Variants in EP400 observed in about 807,000 individuals in gnomAD.
EP400 encodes the protein E1A-binding protein p400.
Under a neutral mutation model 354.1 loss-of-function variants are expected in EP400, and 105 were observed. That is an observed-to-expected ratio of 0.30 (90% CI 0.25 to 0.35). The LOEUF is 0.35. Ranked by LOEUF, EP400 falls within the 10% of genes least tolerant of loss-of-function variation. EP400 has a pLI of 1.00. For missense variants in EP400, 3,280 were observed against 4,121.0 expected, an observed-to-expected ratio of 0.80 and a Z score of 5.59; for synonymous variants, 1,646 against 1,716.9, an observed-to-expected ratio of 0.96 and a Z score of 1.02.
At chr12:131,960,124 C>T (rs1229554696) in intron 1 of EP400, among the ~76,000 whole-genome samples, 2 of 152,198 alleles carry the variant, frequency 1.3e-5, no homozygotes, top group South Asian at 2.1e-4. Context: ...GGGCGGAAGC[C>T]GGAAAGTCCA....
In EP400 at chr12:132,075,213, G is replaced by A. The variant is rs2136625836; in HGVS notation, c.9022-1303G>A. The stretch of plus-strand genomic sequence containing the variant: ...GGATGGCAGCTGGCAGTAGCACGGG[G>A]CTCTTTTGCAAGCTCCCCACCGAGA... On this transcript the variant is annotated intron_variant, in intron 51 of 52. Coordinates refer to ENST00000389561, the MANE Select transcript of EP400 (RefSeq NM_015409.5). This position sits in a 1 kb window ranked among gnomAD's most constrained non-coding sequence, Gnocchi z 4.5. Among the ~76,000 whole-genome samples, 1 of 136,788 alleles carries A rather than the reference G, an allele frequency of 7.3e-6. No individual in the cohort carries two copies. Among genetic ancestry groups the A allele is most frequent in the East Asian group, 2.2e-4 (1 of 4,530 alleles). The allele number at this position is 136,788 out of a possible 152,430, so 89.7% of individuals were successfully genotyped here.
At chr12:132,003,149 C>T (rs1302887754) in intron 12 of EP400, among the ~76,000 whole-genome samples, 7 of 150,092 alleles carry the variant, frequency 4.7e-5, no homozygotes, top group African/African-American at 1.7e-4. Context: ...AGTTCAAGTT[C>T]AGCCTGGGCA....
chr12:132,064,828 C>G lies in EP400; in HGVS notation c.8495C>G (p.Pro2832Arg), dbSNP rs1242328855. ...QSPQLTTVTA[P>R]RPGALLTGTT... Reference sequence around the variant, plus strand: ...CCCCAGCTCACGACGGTCACGGCCCCAAGGCCTGGTGCCCTGCTGACGGGC... The same window carrying G: ...CCCCAGCTCACGACGGTCACGGCCCGAAGGCCTGGTGCCCTGCTGACGGGC... Residue 2832 changes from proline (P) to arginine (R), a missense_variant, in exon 48 of 53, where the codon CCA (proline) becomes CGA (arginine). Coordinates refer to ENST00000389561, the MANE Select transcript of EP400 (RefSeq NM_015409.5). 1 of 1,612,446 alleles carries G rather than the reference C, an allele frequency of 6.2e-7. No homozygotes were observed. The highest frequency in any genetic ancestry group is 8.5e-7 in the Non-Finnish European group (1 of 1,179,704).
chr12:131,975,016 A>T (rs1892423803), intron 2 of EP400, among the ~76,000 whole-genome samples: 1 of 150,284 alleles, frequency 6.7e-6, no homozygotes, highest in Admixed American at 6.6e-5. Flanking sequence ...AAAAGACCAG[A>T]GTATCTTTAC....
Position 131,982,229 on chromosome 12 carries a change from G to C in EP400, c.1680G>C (p.Arg560Ser), listed in dbSNP as rs762733612. The C allele has an allele frequency of 1.9e-6, 3 of 1,614,020 alleles. No homozygotes were observed. The highest frequency in any genetic ancestry group is 2.5e-6 in the Non-Finnish European group (3 of 1,179,972). Residue 560 changes from arginine (R) to serine (S), a missense_variant, in exon 5 of 53, where the codon AGG (arginine) becomes AGC (serine). Coordinates refer to ENST00000389561, the MANE Select transcript of EP400 (RefSeq NM_015409.5). ...CCCCACTGCCGCAGCTGCCCGGGAGGCTGCCCCCAGCCGGTGTTCCCACTG... is the reference window on the plus strand; with the variant it reads ...CCCCACTGCCGCAGCTGCCCGGGAGCCTGCCCCCAGCCGGTGTTCCCACTG... Reference protein sequence around the residue: ...LHTPLPQLPGRLPPAGVPTAA... With the variant: ...LHTPLPQLPGSLPPAGVPTAA...
Position 132,017,338 on chromosome 12 carries a change from A to G in EP400, c.3924-197A>G, listed in dbSNP as rs959354157. Reference sequence around the variant, plus strand: ...CTCTGGTGGGGCGGATGTCATTCTCAATGGGGATGGCGAACAAGTGCAGAG... The same window carrying G: ...CTCTGGTGGGGCGGATGTCATTCTCGATGGGGATGGCGAACAAGTGCAGAG... On this transcript the variant is annotated intron_variant, in intron 19 of 52. Coordinates refer to ENST00000389561, the MANE Select transcript of EP400 (RefSeq NM_015409.5). The surrounding 1 kb of genome is among the most constrained non-coding windows in gnomAD (Gnocchi z 5.0). 2.6e-5 allele frequency among the ~76,000 whole-genome samples: 4 copies of G among 152,292 alleles called. No homozygotes were observed. The highest frequency in any genetic ancestry group is 6.5e-5 in the Admixed American group (1 of 15,302).
At chr12:132,026,683 C>A (rs563579013) in intron 25 of EP400, among the ~76,000 whole-genome samples, 1 of 152,180 alleles carries the variant, frequency 6.6e-6, no homozygotes, top group Non-Finnish European at 1.5e-5. Context: ...AAGCCCTCCT[C>A]AGCTTCAGAG....
chr12:132,046,633 G>A (rs570647109), intron 39 of EP400, among the ~76,000 whole-genome samples: 5 of 152,290 alleles, frequency 3.3e-5, no homozygotes, highest in African/African-American at 1.2e-4. Context: ...CTTGACCCCC[G>A]AAGAGTCCAG....
At chr12:131,989,177 G>A (rs563772845) in intron 7 of EP400, among the ~76,000 whole-genome samples, 1 of 152,328 alleles carries the variant, frequency 6.6e-6, no homozygotes, top group South Asian at 2.1e-4. Flanking sequence ...TGGCTGAAGA[G>A]CAGTGCAGCA....
rs770392803 is a variant in EP400 at position 132,011,568 on chromosome 12, T to C, written c.3375T>C (p.Arg1125=). 2.5e-5 allele frequency: 40 copies of C among 1,614,024 alleles called. No individual in the cohort carries two copies. The highest frequency in any genetic ancestry group is 1.3e-4 in the Admixed American group (8 of 59,998). The part of the protein sequence containing the change: ...NILKWELELK[R]WCPGLKILSY... ...TCAAGTGGGAGCTTGAATTGAAACGTTGGTGTCCCGGACTCAAAATCCTCT... is the reference window on the plus strand; with the variant it reads ...TCAAGTGGGAGCTTGAATTGAAACGCTGGTGTCCCGGACTCAAAATCCTCT... Residue 1125 remains arginine, a synonymous_variant, in exon 16 of 53, where the codon CGT becomes CGC. Coordinates refer to ENST00000389561, the MANE Select transcript of EP400 (RefSeq NM_015409.5).
chr12:132,044,424 A>G (rs1250578459), intron 35 of EP400, 113 bp downstream of exon 35: 18 of 1,413,508 alleles, frequency 1.3e-5, no homozygotes, highest in Non-Finnish European at 1.7e-5. Context: ...ATGCCTAGGA[A>G]TTTTTACTTC....
Position 132,070,425 on chromosome 12 carries a change from A to G in EP400, c.9021+784A>G, listed in dbSNP as rs909091422. Among the ~76,000 whole-genome samples, 17 of 152,242 alleles carry G rather than the reference A, an allele frequency of 1.1e-4. No individual in the cohort carries two copies. The highest frequency in any genetic ancestry group is 5.2e-4 in the Admixed American group (8 of 15,286). On this transcript the variant is annotated intron_variant, in intron 51 of 52. Transcript: ENST00000389561. This position sits in a 1 kb window ranked among gnomAD's most constrained non-coding sequence, Gnocchi z 4.1. ...CACCTGAGATCCTGTGGGGAAGTTCAGGGCTTCTTGTCTCAGAGGCCATGC... is the reference window on the plus strand; with the variant it reads ...CACCTGAGATCCTGTGGGGAAGTTCGGGGCTTCTTGTCTCAGAGGCCATGC...
Position 132,038,022 on chromosome 12 carries a change from G to C in EP400, c.6133G>C (p.Glu2045Gln). The C allele has an allele frequency of 6.2e-7, 1 of 1,614,206 alleles. No homozygotes were observed. Among genetic ancestry groups the C allele is most frequent in the Non-Finnish European group, 8.5e-7 (1 of 1,180,026 alleles). The change falls in exon 32 of 53, where the codon GAG becomes CAG. Residue 2045 changes from glutamate (E) to glutamine (Q), a missense_variant. Physicochemically the swap from Glu to Gln is conservative, Grantham distance 29. Coordinates refer to ENST00000389561, the MANE Select transcript of EP400 (RefSeq NM_015409.5). This position sits in a 1 kb window ranked among gnomAD's most constrained non-coding sequence, Gnocchi z 4.2. ...TGCTGGCTTCCCGGTCAAAGCTGAG[G>C]AGTTTGTGGTGCTTTCTCAGGAACC... is the stretch of plus-strand genomic sequence containing the variant. ...DDAGFPVKAE[E>Q]FVVLSQEPSV...
At chr12:131,992,255 T>C (rs764506044) in intron 11 of EP400, 25 bp downstream of exon 11, 1 of 1,602,068 alleles carries the variant, frequency 6.2e-7, no homozygotes, top group East Asian at 2.2e-5. Flanking sequence ...AGCACTATCT[T>C]TGTCATCTCC....
intron 45 of EP400, among the ~76,000 whole-genome samples, chr12:132,059,698 A>G (rs1895624265): frequency 6.6e-6 from 1 of 152,162 alleles, no homozygotes; most frequent in Non-Finnish European, 1.5e-5. Flanking sequence ...CGATATTGGG[A>G]TTATCAGGTT....
At chr12:131,951,566 C>T (rs1175164809) in intron 1 of EP400, among the ~76,000 whole-genome samples, 1 of 152,118 alleles carries the variant, frequency 6.6e-6, no homozygotes, top group Non-Finnish European at 1.5e-5. Flanking sequence ...TTTTCTTTAG[C>T]AGAATATGTG....
In EP400 at chr12:132,050,841, C is replaced by T. The variant is rs918486166; in HGVS notation, c.7394+186C>T. ...GCCGTGGGCTAGGGTATGCATAGGA[C>T]GGCCCCTGCCCTGTCTCTGTGTTAC... On this transcript the variant is annotated intron_variant, in intron 41 of 52. Transcript: ENST00000389561. This position sits in a 1 kb window ranked among gnomAD's most constrained non-coding sequence, Gnocchi z 4.8. The T allele has an allele frequency of 1.5e-5, 10 of 665,974 alleles. No individual in the cohort carries two copies. The highest frequency in any genetic ancestry group is 9.7e-5 in the Admixed American group (4 of 41,094). The allele number at this position is 665,974 out of a possible 1,614,324, so 41.3% of individuals were successfully genotyped here.
intron 12 of EP400, 151 bp downstream of exon 12, chr12:131,995,107 T>A: frequency 1.5e-6 from 1 of 683,934 alleles, no homozygotes; most frequent in Non-Finnish European, 2.4e-6. Context: ...CTCTCTCTCC[T>A]GACCTGGAGG....
rs80141826 is a variant in EP400, at chr12:131,993,390, A to G, written c.2737+1160A>G. ...GGATTGAACTCTGGCCTTTCAGACA[A>G]CAAGAGAAGCACAACAGAGTACAGT... On this transcript the variant is annotated intron_variant, in intron 11 of 52. Coordinates refer to ENST00000389561, the MANE Select transcript of EP400 (RefSeq NM_015409.5). Among the ~76,000 whole-genome samples the G allele has an allele frequency of 1.6e-3, 245 of 152,304 alleles. 1 individual carries two copies. The highest frequency in any genetic ancestry group is 3.0e-3 in the Non-Finnish European group (204 of 68,014).
Sources: gnomAD v4.1 joint callset for allele counts (sites outside exome capture counted in the v4.1 genomes callset) on GRCh38, gnomAD v4.1.1 for gene constraint, Gnocchi (gnomAD v3.1) non-coding constraint, MANE v1.5 for transcripts, NCBI Gene and HGNC (gene_info 2026-07-23, HGNC 2026-07-21) for gene names.